Variants in ST14 observed in about 807,000 individuals in gnomAD.
The protein encoded by ST14 is ST14 transmembrane serine protease matriptase.
In ST14, 40 loss-of-function variants were observed where a neutral mutation model predicts 96.5. The ratio of observed to expected loss-of-function variants is 0.41; its 90% CI spans 0.32 to 0.54. The LOEUF (loss-of-function observed/expected upper bound fraction) is 0.54. Among genes scored for constraint, ST14 ranks in the 20% least tolerant of loss-of-function variants. The probability of loss-of-function intolerance (pLI) is 0.17; values close to 1 mark genes in which losing one functional copy is unlikely to be tolerated. For missense variants in ST14, 1,066 were observed against 1,188.9 expected (o/e 0.90, Z 1.52); for synonymous variants, 506 against 492.1 (o/e 1.03, Z -0.37).
At chr11:130,177,575 A>T (rs534118492) in intron 1 of ST14, among the ~76,000 whole-genome samples, 125 of 152,134 alleles carry the variant, frequency 8.2e-4, no homozygotes, top group African/African-American at 1.9e-3. Context: ...AAAACAAAAA[A>T]TTTTTTTGTT....
chr11:130,199,213 G>T, intron 15 of ST14, 144 bp downstream of exon 15: 1 of 984,600 alleles, frequency 1.0e-6, no homozygotes, highest in Non-Finnish European at 1.5e-6. Flanking sequence ...CTGGAGGAAA[G>T]GATAGCCTTG....
intron 9 of ST14, 135 bp downstream of exon 9, chr11:130,194,872 GTGTGCGTA>G: frequency 2.0e-6 from 1 of 509,096 alleles, no homozygotes; most frequent in Non-Finnish European, 3.1e-6. Flanking sequence ...GTGTGTGTGT[GTGTGCGTA>G]TGTGTGTGTG....
intron 16 of ST14, among the ~76,000 whole-genome samples, chr11:130,206,572 T>TG (rs1262455828): frequency 6.8e-6 from 1 of 146,666 alleles, no homozygotes; most frequent in Non-Finnish European, 1.5e-5. Flanking sequence ...CTTTTCTTTT[T>TG]TTTTTTCTTT....
chr11:130,208,833 C>G, intron 17 of ST14, 149 bp downstream of exon 17: 5 of 1,092,868 alleles, frequency 4.6e-6, no homozygotes, highest in Non-Finnish European at 6.4e-6. Context: ...GGAATGGAGG[C>G]CTTTAGTAAA....
In ST14 at chr11:130,188,783, C is replaced by T. The variant is rs540451795; in HGVS notation, c.370-86C>T. The T allele has an allele frequency of 6.3e-5, 101 of 1,603,482 alleles. 1 individual carries two copies. In the Middle Eastern group the frequency reaches 8.5e-4, roughly 13 times the overall value. On this transcript the variant is annotated intron_variant, in intron 3 of 18. Transcript: ENST00000278742. The surrounding 1 kb of genome is among the most constrained non-coding windows in gnomAD (Gnocchi z 5.4). ...ATGGGGGTGATCTGCAAAGGGGACCCGGGCCCTGGAGGGGAGGGAGCAGCC... is the reference window on the plus strand; with the variant it reads ...ATGGGGGTGATCTGCAAAGGGGACCTGGGCCCTGGAGGGGAGGGAGCAGCC...
Position 130,198,619 on chromosome 11 carries a change from A to G in ST14, c.1682A>G (p.Lys561Arg). ...GDGSDEASCP[K>R]VNVVTCTKHT... is the part of the protein sequence containing the mutation. Reference sequence around the variant, plus strand: ...GGGTCCGACGAGGCCTCCTGCCCCAAGGGTGAGGCCCGCCCCACCCATCTT... The same window carrying G: ...GGGTCCGACGAGGCCTCCTGCCCCAGGGGTGAGGCCCGCCCCACCCATCTT... The change falls in exon 14 of 19, where the codon AAG becomes AGG. Residue 561 changes from lysine (K) to arginine (R), a missense_variant and splice_region_variant. Transcript: ENST00000278742. 6.2e-7 allele frequency: 1 copy of G among 1,612,600 alleles called. No homozygotes were observed. The highest frequency in any genetic ancestry group is 8.5e-7 in the Non-Finnish European group (1 of 1,179,082).
chr11:130,164,112 A>G (rs1953023429), intron 1 of ST14, among the ~76,000 whole-genome samples: 1 of 152,196 alleles, frequency 6.6e-6, no homozygotes, highest in Non-Finnish European at 1.5e-5. Context: ...CTCTTTTAAA[A>G]GAGAAGTTGT....
At chr11:130,179,542 G>T (rs1953171548) in intron 1 of ST14, among the ~76,000 whole-genome samples, 1 of 152,070 alleles carries the variant, frequency 6.6e-6, no homozygotes, top group South Asian at 2.1e-4. Flanking sequence ...GTGGCAGGTG[G>T]GGTGAAGTCC....
At chr11:130,201,080 G>A (rs117286671) in intron 16 of ST14, among the ~76,000 whole-genome samples, 11 of 152,362 alleles carry the variant, frequency 7.2e-5, no homozygotes, top group East Asian at 5.8e-4. Context: ...GACACTTTGC[G>A]CTGTGCCTGG....
rs62642510 is a variant in ST14, at chr11:130,188,152, A to T, written c.120A>T (p.Pro40=). The T allele has an allele frequency of 6.2e-7, 1 of 1,614,004 alleles. No individual in the cohort carries two copies. Among genetic ancestry groups the T allele is most frequent in the African/African-American group, 1.3e-5 (1 of 74,870 alleles). ...NGLEEGVEFL[P]VNNVKKVEKH... is the part of the protein sequence containing the mutation. ...TGGAGGAAGGCGTGGAGTTCCTGCC[A>T]GTCAACAACGTCAAGAAGGTGGAAA... is the stretch of plus-strand genomic sequence containing the variant. The change falls in exon 2 of 19, where the codon CCA becomes CCT. Residue 40 remains proline, a synonymous_variant. Transcript: ENST00000278742. The surrounding 1 kb of genome is among the most constrained non-coding windows in gnomAD (Gnocchi z 5.4).
chr11:130,190,706 G>T lies in ST14; in HGVS notation c.875+12G>T. 5 of 1,560,756 alleles carry T rather than the reference G, an allele frequency of 3.2e-6. No individual in the cohort carries two copies. Among genetic ancestry groups the T allele is most frequent in the Non-Finnish European group, 4.3e-6 (5 of 1,152,980 alleles). ...CACGCCCTGGTGCAGTGAGTACCCC[G>T]GGGGGCGGGTAGGGCTGTGGGAGCT... On this transcript the variant is annotated intron_variant, in intron 7 of 18. Coordinates refer to ENST00000278742, the MANE Select transcript of ST14 (RefSeq NM_021978.4).
chr11:130,175,231 A>G (rs1953125142), intron 1 of ST14, among the ~76,000 whole-genome samples: 1 of 152,038 alleles, frequency 6.6e-6, no homozygotes, highest in Non-Finnish European at 1.5e-5. Flanking sequence ...GGGTCTGAAT[A>G]TGGGTGGACA....
chr11:130,174,779 C>A (rs1419666671), intron 1 of ST14, among the ~76,000 whole-genome samples: 3 of 152,200 alleles, frequency 2.0e-5, no homozygotes, highest in African/African-American at 7.2e-5. Context: ...TGGTGATAAG[C>A]ACCCAACATC....
At position 130,208,638 on chromosome 11, in the gene ST14, C is replaced by A. The variant is rs1555156477; in HGVS notation, c.2223C>A (p.Ala741=). The A allele has an allele frequency of 6.2e-7, 1 of 1,614,008 alleles. No individual in the cohort carries two copies. Residue 741 remains alanine (A), a synonymous_variant, in exon 17 of 19, where the codon GCC becomes GCA. Coordinates refer to ENST00000278742, the MANE Select transcript of ST14 (RefSeq NM_021978.4). ...CLPDASHVFP[A]GKAIWVTGWG... ...CGGACGCCTCCCATGTCTTCCCTGCCGGCAAGGCCATCTGGGTCACGGGCT... is the reference window on the plus strand; with the variant it reads ...CGGACGCCTCCCATGTCTTCCCTGCAGGCAAGGCCATCTGGGTCACGGGCT...
At position 130,188,696 on chromosome 11, in the gene ST14, C is replaced by T. The variant is rs372956951; in HGVS notation, c.369+39C>T. 14 of 1,613,630 alleles carry T rather than the reference C, an allele frequency of 8.7e-6. No homozygotes were observed. The highest frequency in any genetic ancestry group is 4.0e-5 in the African/African-American group (3 of 74,916). Reference sequence around the variant, plus strand: ...GCCCAGAGTCCTGCTGGGCTGTGTGCGCTGGTGTCCCACCTGCTGGGCAGG... The same window carrying T: ...GCCCAGAGTCCTGCTGGGCTGTGTGTGCTGGTGTCCCACCTGCTGGGCAGG... On this transcript the variant is annotated intron_variant, in intron 3 of 18. Coordinates refer to ENST00000278742, the MANE Select transcript of ST14 (RefSeq NM_021978.4). The surrounding 1 kb of genome is among the most constrained non-coding windows in gnomAD (Gnocchi z 5.4).
intron 1 of ST14, among the ~76,000 whole-genome samples, chr11:130,185,870 C>CA (rs1319574431): frequency 6.6e-6 from 1 of 152,058 alleles, no homozygotes; most frequent in African/African-American, 2.4e-5. Flanking sequence ...TTCAGTGGCG[C>CA]AATCTCAGCT....
At chr11:130,165,252 A>G (rs1460003542) in intron 1 of ST14, among the ~76,000 whole-genome samples, 1 of 152,200 alleles carries the variant, frequency 6.6e-6, no homozygotes, top group Non-Finnish European at 1.5e-5. Flanking sequence ...TTGACAATTC[A>G]TCAGATTTGG....
intron 1 of ST14, among the ~76,000 whole-genome samples, chr11:130,165,897 C>T (rs140277204): frequency 5.1e-4 from 78 of 152,316 alleles, no homozygotes; most frequent in Non-Finnish European, 8.5e-4. Context: ...CCTGGGAGCT[C>T]ACCACCATGC....
Position 130,208,622 on chromosome 11 carries a change from C to G in ST14, c.2207C>G (p.Ser736Cys). Residue 736 changes from serine to cysteine, a missense_variant, in exon 17 of 19, where the codon TCC becomes TGC. Coordinates refer to ENST00000278742, the MANE Select transcript of ST14 (RefSeq NM_021978.4). ...MVRPICLPDA[S>C]HVFPAGKAIW... Reference sequence around the variant, plus strand: ...CGGCCCATCTGCCTGCCGGACGCCTCCCATGTCTTCCCTGCCGGCAAGGCC... The same window carrying G: ...CGGCCCATCTGCCTGCCGGACGCCTGCCATGTCTTCCCTGCCGGCAAGGCC... 5 of 1,614,018 alleles carry G rather than the reference C, an allele frequency of 3.1e-6. No homozygotes were observed. The highest frequency in any genetic ancestry group is 4.2e-6 in the Non-Finnish European group (5 of 1,179,978).
Sources: gnomAD v4.1 joint callset for allele counts (sites outside exome capture counted in the v4.1 genomes callset) on GRCh38, gnomAD v4.1.1 for gene constraint, Gnocchi (gnomAD v3.1) non-coding constraint, MANE v1.5 for transcripts, NCBI Gene and HGNC (gene_info 2026-07-23, HGNC 2026-07-21) for gene names.